The following RNF175 variants were observed in gnomAD, a reference collection of about 807,000 sequenced individuals.
RNF175 encodes the protein ring finger protein 175.
In RNF175, 38 loss-of-function variants were observed where a neutral mutation model predicts 50.0. That is an observed-to-expected ratio of 0.76 (90% CI 0.59 to 1.00). RNF175 has a LOEUF of 1.00. Among genes scored for constraint, RNF175 ranks in the 50% least tolerant of loss-of-function variants. The pLI, the probability that RNF175 is intolerant of heterozygous loss-of-function variation, is 0.00. For synonymous variants in RNF175, 155 were observed against 146.1 expected (o/e 1.06, Z -0.44); for missense variants, 388 against 409.6 (o/e 0.95, Z 0.46).
intron 3 of RNF175, among the ~76,000 whole-genome samples, chr4:153,746,377 C>A (rs1333624782): frequency 1.3e-5 from 2 of 152,256 alleles, no homozygotes; most frequent in Non-Finnish European, 2.9e-5. Context: ...AGCCTTGCCC[C>A]CCCATGGCTT....
chr4:153,727,627 G>A (rs1738777121), intron 4 of RNF175: 1 of 152,208 alleles, frequency 6.6e-6, no homozygotes, highest in African/African-American at 2.4e-5. Flanking sequence ...CCACAGAACA[G>A]GGAGGGCAAA....
intron 8 of RNF175, 46 bp downstream of exon 8, chr4:153,712,428 GA>G (rs33952548): frequency 0.33 from 382,431 of 1,172,318 alleles, 65,063 homozygotes; most frequent in South Asian, 0.46. Flanking sequence ...TATATCCCCA[GA>G]AACATTCAAG....
chr4:153,711,870 G>A (rs1031226861), intron 8 of RNF175, among the ~76,000 whole-genome samples: 1 of 152,104 alleles, frequency 6.6e-6, no homozygotes, highest in Non-Finnish European at 1.5e-5. Context: ...AATCTCAGTG[G>A]CTGCCAGAAG....
In RNF175 at chr4:153,726,387, G is replaced by A. The variant is rs774185073; in HGVS notation, c.401+1820C>T. 3.3e-5 allele frequency among the ~76,000 whole-genome samples: 5 copies of A among 152,316 alleles called. No homozygotes were observed. In the East Asian group the frequency reaches 9.6e-4, roughly 29 times the overall value. On this transcript the variant is annotated intron_variant, in intron 4 of 8. Transcript: ENST00000347063. ...CCCAAAGTGCTGGGATTACAGGCGT[G>A]AGCCATTGCATGTGTGGCTTATTTC...
chr4:153,748,871 A>T (rs769512022), intron 2 of RNF175, 85 bp from the exon 3 acceptor site: 2 of 1,276,082 alleles, frequency 1.6e-6, no homozygotes, highest in Non-Finnish European at 2.1e-6. Flanking sequence ...AAACAAAAAA[A>T]CAAAAAACAG....
chr4:153,751,611 C>T (rs1363872367), intron 1 of RNF175, 136 bp from the exon 2 acceptor site: 11 of 641,712 alleles, frequency 1.7e-5, no homozygotes, highest in Admixed American at 1.0e-4. Context: ...GGATAAAAGT[C>T]CTAGTAAAAT....
intron 3 of RNF175, among the ~76,000 whole-genome samples, chr4:153,736,730 A>G (rs1388661319): frequency 1.3e-5 from 2 of 152,070 alleles, no homozygotes; most frequent in African/African-American, 4.8e-5. Flanking sequence ...TCCTTGTGCG[A>G]GTTTTGGTAT....
intron 3 of RNF175, among the ~76,000 whole-genome samples, chr4:153,734,405 C>A (rs1043922478): frequency 1.3e-5 from 2 of 152,102 alleles, no homozygotes; most frequent in African/African-American, 4.8e-5. Context: ...GTAGTGTTAT[C>A]TTATTATTGC....
Position 153,731,373 on chromosome 4 carries a change from G to T in RNF175, c.247-3012C>A, listed in dbSNP as rs535125108. 7.9e-4 allele frequency among the ~76,000 whole-genome samples: 120 copies of T among 152,260 alleles called. 2 individuals are homozygous for T. The South Asian group carries it at 0.017, about 22-fold the overall frequency. ...GGAACTCATTAATAATGCCACAGGG[G>T]TCACCATCTGGGCATGTGTGTATAA... On this transcript the variant is annotated intron_variant, in intron 3 of 8. Coordinates refer to ENST00000347063, the MANE Select transcript of RNF175 (RefSeq NM_173662.4).
intron 3 of RNF175, among the ~76,000 whole-genome samples, chr4:153,746,881 A>G (rs1197963168): frequency 1.3e-5 from 2 of 152,248 alleles, no homozygotes; most frequent in African/African-American, 4.8e-5. Flanking sequence ...GCATGTGCCT[A>G]CAGAATTAGC....
At chr4:153,754,791 G>A (rs1245653687) in intron 1 of RNF175, among the ~76,000 whole-genome samples, 1 of 152,188 alleles carries the variant, frequency 6.6e-6, no homozygotes, top group Non-Finnish European at 1.5e-5. Flanking sequence ...AGGAACCAGA[G>A]GGATGCAGCC....
chr4:153,721,842 T>A (rs1363479494), intron 5 of RNF175, among the ~76,000 whole-genome samples: 1 of 152,210 alleles, frequency 6.6e-6, no homozygotes, highest in East Asian at 1.9e-4. Flanking sequence ...AGACAGTATG[T>A]TAAAAAAGAC....
intron 3 of RNF175, among the ~76,000 whole-genome samples, chr4:153,730,837 G>A (rs1738994563): frequency 6.6e-6 from 1 of 152,184 alleles, no homozygotes; most frequent in Non-Finnish European, 1.5e-5. Context: ...TGGAGCCACA[G>A]CTGGACTATA....
chr4:153,752,988 C>T (rs750253801), intron 1 of RNF175, among the ~76,000 whole-genome samples: 1 of 151,942 alleles, frequency 6.6e-6, no homozygotes, highest in Admixed American at 6.6e-5. Flanking sequence ...AAAAAAAGTG[C>T]ACTTACCTCC....
chr4:153,759,969 G>C lies in RNF175; in HGVS notation c.-107C>G, dbSNP rs1322810743. The stretch of plus-strand genomic sequence containing the variant: ...GCCTCGGGAGCCGAGGGTGAGAGCC[G>C]GATCTGCGGCGGCGGCGGAGCGGCG... On this transcript the variant is annotated 5_prime_UTR_variant, in exon 1 of 9. Transcript: ENST00000347063. The C allele has an allele frequency of 2.7e-5, 17 of 621,714 alleles. No individual in the cohort carries two copies. The highest frequency in any genetic ancestry group is 1.2e-5 in the Non-Finnish European group (5 of 421,266). The allele number at this position is 621,714 out of a possible 1,614,324, so 38.5% of individuals were successfully genotyped here. A position where few individuals can be genotyped will look rare whatever the true frequency, so the allele number is the denominator to read the frequency against.
chr4:153,733,888 A>G (rs1453859821), intron 3 of RNF175, among the ~76,000 whole-genome samples: 1 of 152,102 alleles, frequency 6.6e-6, no homozygotes, highest in Non-Finnish European at 1.5e-5. Context: ...TTCCCCTCAA[A>G]CCACTGATTG....
intron 4 of RNF175, among the ~76,000 whole-genome samples, chr4:153,724,688 T>C (rs1267410575): frequency 6.6e-6 from 1 of 152,140 alleles, no homozygotes; most frequent in African/African-American, 2.4e-5. Flanking sequence ...ATGATTTTAA[T>C]AGGTGCTCTA....
At position 153,723,399 on chromosome 4, in the gene RNF175, C is replaced by T. The variant is rs764124998; in HGVS notation, c.461G>A (p.Gly154Asp). 1.2e-6 allele frequency: 2 copies of T among 1,607,870 alleles called. No homozygotes were observed. The highest frequency in any genetic ancestry group is 2.2e-5 in the South Asian group (2 of 90,688). The change falls in exon 5 of 9, where the codon GGT (glycine) becomes GAT (aspartate). Residue 154 changes from glycine to aspartate, a missense_variant. Transcript: ENST00000347063. ...CATTGTAAACATGATCGCCAAGTAA[C>T]CCACAACACCAAATGCATAGCTGAG... ...YKLSYAFGVV[G>D]YLAIMFTMCG...
chr4:153,742,272 C>A (rs375246673), intron 3 of RNF175, among the ~76,000 whole-genome samples: 477 of 103,730 alleles, frequency 4.6e-3, no homozygotes, highest in Non-Finnish European at 5.0e-3. Context: ...GCTTCTGTTC[C>A]AAAAAAAAAA....
Sources: gnomAD v4.1 joint callset for allele counts (sites outside exome capture counted in the v4.1 genomes callset) on GRCh38, gnomAD v4.1.1 for gene constraint, MANE v1.5 for transcripts, NCBI Gene and HGNC (gene_info 2026-07-23, HGNC 2026-07-21) for gene names.